Variants in CFAP77 observed in about 807,000 individuals in gnomAD.
CFAP77 encodes the protein cilia- and flagella-associated protein 77.
A neutral mutation model predicts 31.1 loss-of-function variants in CFAP77; 25 were observed. The ratio of observed to expected loss-of-function variants is 0.80; its 90% CI spans 0.59 to 1.12. The LOEUF (loss-of-function observed/expected upper bound fraction) is 1.12. Among genes scored for constraint, CFAP77 ranks in the 50% most tolerant of loss-of-function variants. The probability of loss-of-function intolerance (pLI) is 0.00; values close to 1 mark genes in which losing one functional copy is unlikely to be tolerated. For missense variants in CFAP77, 377 were observed against 397.3 expected (o/e 0.95, Z 0.44); for synonymous variants, 151 against 159.9 (o/e 0.94, Z 0.42).
At chr9:132,550,170 C>T (rs892494717) in intron 5 of CFAP77, among the ~76,000 whole-genome samples, 11 of 152,198 alleles carry the variant, frequency 7.2e-5, no homozygotes, top group African/African-American at 2.4e-4. Flanking sequence ...CTGGGAACCC[C>T]CAGCCTGGCT....
At chr9:132,519,112 C>T (rs1415182643) in intron 3 of CFAP77, among the ~76,000 whole-genome samples, 1 of 151,704 alleles carries the variant, frequency 6.6e-6, no homozygotes, top group African/African-American at 2.4e-5. Context: ...GGAGCCACCC[C>T]CATGTTCAGA....
chr9:132,459,775 T>A (rs1469278343), intron 1 of CFAP77, among the ~76,000 whole-genome samples: 1 of 151,112 alleles, frequency 6.6e-6, no homozygotes, highest in Non-Finnish European at 1.5e-5. Flanking sequence ...TGAGTGTGTG[T>A]GAGAGCGTGT....
intron 4 of CFAP77, among the ~76,000 whole-genome samples, chr9:132,542,592 G>A (rs1852663608): frequency 6.6e-6 from 1 of 152,204 alleles, no homozygotes; most frequent in Admixed American, 6.5e-5. Flanking sequence ...ATGGAGTCCT[G>A]GGGACCCACT....
intron 5 of CFAP77, among the ~76,000 whole-genome samples, chr9:132,548,274 C>T (rs924804089): frequency 1.1e-3 from 5 of 4,742 alleles, no homozygotes; most frequent in Admixed American, 5.1e-3. Flanking sequence ...ATCTTTGGGG[C>T]GGGGGGGTGG....
chr9:132,467,090 A>G (rs1036536088), intron 1 of CFAP77, among the ~76,000 whole-genome samples: 36 of 152,344 alleles, frequency 2.4e-4, no homozygotes, highest in African/African-American at 8.2e-4. Context: ...AAGCAGGAGA[A>G]TCGTTTGAAT....
chr9:132,423,943 C>T (rs1265833110), intron 1 of CFAP77, among the ~76,000 whole-genome samples: 1 of 152,178 alleles, frequency 6.6e-6, no homozygotes, highest in Non-Finnish European at 1.5e-5. Context: ...TTATCACCTG[C>T]GTCTATATCT....
intron 1 of CFAP77, among the ~76,000 whole-genome samples, chr9:132,467,846 T>C (rs551021713): frequency 4.3e-4 from 66 of 152,314 alleles, no homozygotes; most frequent in African/African-American, 1.6e-3. Flanking sequence ...CTCCATATCC[T>C]TGCCAGCACT....
chr9:132,535,887 T>G (rs1342765184), intron 3 of CFAP77, among the ~76,000 whole-genome samples: 1 of 152,172 alleles, frequency 6.6e-6, no homozygotes, highest in Non-Finnish European at 1.5e-5. Context: ...CCATTTTTTA[T>G]GTTTCCAAAG....
chr9:132,481,974 C>T lies in CFAP77; in HGVS notation c.196-16721C>T, dbSNP rs1038779894. Among the ~76,000 whole-genome samples the T allele has an allele frequency of 1.3e-5, 1 of 78,432 alleles. No homozygotes were observed. The highest frequency in any genetic ancestry group is 3.2e-5 in the Non-Finnish European group (1 of 31,464). The allele number at this position is 78,432 out of a possible 152,430, so 51.5% of individuals were successfully genotyped here. On this transcript the variant is annotated intron_variant, in intron 1 of 5. Transcript: ENST00000393216. This position sits in a 1 kb window ranked among gnomAD's most constrained non-coding sequence, Gnocchi z 5.0. The stretch of plus-strand genomic sequence containing the variant: ...GGTTTATGGTTGGGGGGGGGGGGGG[C>T]GGCGGAACACTGAACATTTTTCTTC...
At chr9:132,559,504 G>A (rs61179745) in intron 5 of CFAP77, among the ~76,000 whole-genome samples, 10,502 of 152,010 alleles carry the variant, frequency 0.069, 870 homozygotes, top group African/African-American at 0.2. Context: ...CCCCTACAAC[G>A]GCTAGAATAA....
Position 132,490,198 on chromosome 9 carries a change from G to A in CFAP77, c.196-8497G>A. Among the ~76,000 whole-genome samples, 1 of 152,142 alleles carries A rather than the reference G, an allele frequency of 6.6e-6. No individual in the cohort carries two copies. The highest frequency in any genetic ancestry group is 1.5e-5 in the Non-Finnish European group (1 of 68,032). ...TAAGGGCACCTATTCCCCCATGAGT[G>A]CAGAGCCCTCATGACTCAACCACCC... On this transcript the variant is annotated intron_variant, in intron 1 of 5. Transcript: ENST00000393216. The surrounding 1 kb of genome is among the most constrained non-coding windows in gnomAD (Gnocchi z 4.6).
At chr9:132,417,274 C>A (rs998259584) in intron 1 of CFAP77, among the ~76,000 whole-genome samples, 20 of 152,124 alleles carry the variant, frequency 1.3e-4, no homozygotes, top group African/African-American at 4.6e-4. Flanking sequence ...GCCACCATGC[C>A]CAGCTAATTT....
chr9:132,514,756 CAATT>C (rs1446871753), intron 3 of CFAP77, among the ~76,000 whole-genome samples: 1 of 152,212 alleles, frequency 6.6e-6, no homozygotes, highest in African/African-American at 2.4e-5. Context: ...GATCCACAAA[CAATT>C]AAAAAGTAGC....
Position 132,513,537 on chromosome 9 carries a change from A to G in CFAP77, c.524+13937A>G, listed in dbSNP as rs1347350904. The G allele has an allele frequency of 1.6e-5, 10 of 613,730 alleles. No homozygotes were observed. In the East Asian group the frequency reaches 2.9e-4, roughly 18 times the overall value. The allele number at this position is 613,730 out of a possible 1,614,324, so 38.0% of individuals were successfully genotyped here. ...TTGCTCTGTCGTTAGCGATCCATAA[A>G]TCATAGGGACTACTGAGCGGGGTCC... On this transcript the variant is annotated intron_variant, in intron 3 of 5. Transcript: ENST00000393216.
chr9:132,510,122 G>T (rs1222867731), intron 3 of CFAP77, among the ~76,000 whole-genome samples: 7 of 152,146 alleles, frequency 4.6e-5, no homozygotes, highest in Non-Finnish European at 1.0e-4. Flanking sequence ...GGATGGGGCC[G>T]CCACTCCCCC....
Position 132,572,835 on chromosome 9 carries a change from C to T in CFAP77, c.*325C>T, listed in dbSNP as rs566349673. 2.0e-4 allele frequency: 71 copies of T among 357,066 alleles called. 1 individual carries two copies. The highest frequency in any genetic ancestry group is 1.3e-4 in the Non-Finnish European group (26 of 198,060). 22.1% of individuals were successfully genotyped at this position (357,066 alleles called of 1,614,324 possible). ...CCAAATTACAAGACAATTTTTTAGA[C>T]TCCAGGCTAAGGGTCGATTCCATGG... On this transcript the variant is annotated 3_prime_UTR_variant, in exon 6 of 6. Coordinates refer to ENST00000393216, the MANE Select transcript of CFAP77 (RefSeq NM_001282957.2).
chr9:132,523,700 A>C (rs2119024250), intron 3 of CFAP77, among the ~76,000 whole-genome samples: 1 of 152,346 alleles, frequency 6.6e-6, no homozygotes, highest in African/African-American at 2.4e-5. Context: ...GTGAAACCTC[A>C]GGCTTCCTCG....
chr9:132,486,030 ATATATATATATG>A lies in CFAP77; in HGVS notation c.196-12661_196-12650del, dbSNP rs1487736348. Among the ~76,000 whole-genome samples the A allele has an allele frequency of 2.5e-3, 57 of 22,400 alleles. 1 individual carries two copies. Among genetic ancestry groups the A allele is most frequent in the African/African-American group, 6.2e-3 (18 of 2,892 alleles). 14.7% of individuals were successfully genotyped at this position (22,400 alleles called of 152,430 possible). On this transcript the variant is annotated intron_variant, in intron 1 of 5. Transcript: ENST00000393216. ...TATATATATATATATATATATATAT[ATATATATATATG>A]TATGTATATGTATGTGTGTGTGTGT...
At position 132,561,651 on chromosome 9, in the gene CFAP77, ACACACACACACC is replaced by A. The variant is rs879873313; in HGVS notation, c.733-10735_733-10724del. On this transcript the variant is annotated intron_variant, in intron 5 of 5. Transcript: ENST00000393216. ...CACACACACACACACACACACACAC[ACACACACACACC>A]CCCTCCATGTGTCTCTGGGATGGGT... Among the ~76,000 whole-genome samples the A allele has an allele frequency of 7.5e-3, 766 of 101,960 alleles. 13 individuals are homozygous for A. Among genetic ancestry groups the A allele is most frequent in the African/African-American group, 0.031 (395 of 12,566 alleles). The allele number at this position is 101,960 out of a possible 152,430, so 66.9% of individuals were successfully genotyped here.
Sources: allele counts gnomAD v4.1 joint callset (sites outside exome capture counted in the v4.1 genomes callset), GRCh38; gene constraint gnomAD v4.1.1; non-coding constraint Gnocchi (gnomAD v3.1); transcripts MANE v1.5; gene names NCBI Gene and HGNC (gene_info 2026-07-23, HGNC 2026-07-21).